The following BPNT1 variants were observed in gnomAD, a reference collection of about 807,000 sequenced individuals.
The protein encoded by BPNT1 is 3'(2'),5'-bisphosphate nucleotidase 1.
A neutral mutation model predicts 36.9 loss-of-function variants in BPNT1; 28 were observed. The observed-to-expected ratio is 0.76, with a 90% confidence interval of 0.56 to 1.04. BPNT1 has a LOEUF of 1.04. Among genes scored for constraint, BPNT1 ranks in the 50% least tolerant of loss-of-function variants. BPNT1 has a pLI of 0.00. For synonymous variants in BPNT1, 119 were observed against 130.9 expected, an observed-to-expected ratio of 0.91 and a Z score of 0.62; for missense variants, 313 against 372.9, an observed-to-expected ratio of 0.84 and a Z score of 1.32.
chr1:220,069,389 G>C lies in BPNT1; in HGVS notation c.377C>G (p.Thr126Ser), dbSNP rs1287624189. The C allele has an allele frequency of 6.2e-7, 1 of 1,601,024 alleles. No homozygotes were observed. The highest frequency in any genetic ancestry group is 1.7e-5 in the Admixed American group (1 of 57,796). Residue 126 changes from threonine to serine, a missense_variant, in exon 5 of 9, where the codon ACC becomes AGC. Transcript: ENST00000322067. The stretch of plus-strand genomic sequence containing the variant: ...AATACAAAAGAGATATCAACCTTCG[G>C]TATATTCCTTGGTTCCATCCAGAGG... ...VDPLDGTKEY[T>S]EGLLDNVTVL...
Position 220,079,818 on chromosome 1 carries a change from C to T in BPNT1, c.29G>A (p.Arg10Gln), listed in dbSNP as rs369548050. The change falls in exon 2 of 9, where the codon CGG becomes CAG. Residue 10 changes from arginine to glutamine, a missense_variant. Transcript: ENST00000322067. MASSNTVLM[R>Q]LVASAYSIAQ... is the part of the protein sequence containing the mutation. ...AATAGAATATGCGGAGGCTACCAAC[C>T]GCATCAACACAGTGTTACTGGAAGC... 35 of 1,613,566 alleles carry T rather than the reference C, an allele frequency of 2.2e-5. No homozygotes were observed. Among genetic ancestry groups the T allele is most frequent in the African/African-American group, 8.0e-5 (6 of 74,812 alleles).
chr1:220,087,857 T>C lies in BPNT1; in HGVS notation c.-9+1829A>G, dbSNP rs12138628. On this transcript the variant is annotated intron_variant, in intron 1 of 8. Transcript: ENST00000322067. ...AACTAAAACAATGAGAAATGATTAT[T>C]TTATTTTTAATTAATTAATTAATTT... Among the ~76,000 whole-genome samples, 346 of 152,124 alleles carry C rather than the reference T, an allele frequency of 2.3e-3. 1 individual carries two copies. The highest frequency in any genetic ancestry group is 4.1e-3 in the Non-Finnish European group (277 of 68,006).
Position 220,074,078 on chromosome 1 carries a change from T to C in BPNT1, c.121-7A>G. ...GCAGGTCTGTTGCACAGGTCTGTAA[T>C]AAAGAATGCAAATTTTAGCAGAGCT... is the stretch of plus-strand genomic sequence containing the variant. On this transcript the variant is annotated splice_polypyrimidine_tract_variant and splice_region_variant and intron_variant, in intron 2 of 8. Coordinates refer to ENST00000322067, the MANE Select transcript of BPNT1 (RefSeq NM_006085.6). The C allele has an allele frequency of 6.2e-7, 1 of 1,607,972 alleles. No homozygotes were observed. The highest frequency in any genetic ancestry group is 8.5e-7 in the Non-Finnish European group (1 of 1,178,092).
intron 7 of BPNT1, among the ~76,000 whole-genome samples, chr1:220,060,235 G>A (rs1662898026): frequency 6.6e-6 from 1 of 152,148 alleles, no homozygotes; most frequent in African/African-American, 2.4e-5. Context: ...CAGCACTTTG[G>A]GAGGCTGAGA....
At position 220,059,783 on chromosome 1, in the gene BPNT1, C is replaced by G; in HGVS notation, c.681G>C (p.Gln227His). The G allele has an allele frequency of 6.3e-7, 1 of 1,591,456 alleles. No homozygotes were observed. The highest frequency in any genetic ancestry group is 8.5e-7 in the Non-Finnish European group (1 of 1,170,124). The change falls in exon 8 of 9, where the codon CAG (glutamine) becomes CAC (histidine). Residue 227 changes from glutamine (Q) to histidine (H), a missense_variant. Transcript: ENST00000322067. ...RVGGAGNKIIQLIEGKASAYV... is the reference protein window; with the variant it reads ...RVGGAGNKIIHLIEGKASAYV... ...AAGCAGAGGCTTTGCCTTCAATCAG[C>G]TGAATAATCTGTAAGGGTAAAAATA...
rs1032254285 is a variant in BPNT1 at position 220,063,410 on chromosome 1, A to C, written c.475-456T>G. On this transcript the variant is annotated intron_variant, in intron 6 of 8. Transcript: ENST00000322067. ...TCACTGGCAAAGAACTTCTCCTGAG[A>C]GAATCTGCTGATTATTATCATTACT... Among the ~76,000 whole-genome samples, 6 of 152,352 alleles carry C rather than the reference A, an allele frequency of 3.9e-5. No homozygotes were observed. The South Asian group carries it at 1.2e-3, about 32-fold the overall frequency.
At chr1:220,078,639 C>T (rs1664823356) in intron 2 of BPNT1, among the ~76,000 whole-genome samples, 1 of 148,674 alleles carries the variant, frequency 6.7e-6, no homozygotes, top group African/African-American at 2.5e-5. Context: ...CTTTTGTTGC[C>T]CAGGCTGGAG....
intron 6 of BPNT1, 55 bp from the exon 7 acceptor site, chr1:220,063,009 C>G: frequency 6.5e-7 from 1 of 1,543,934 alleles, no homozygotes; most frequent in Non-Finnish European, 8.9e-7. Flanking sequence ...AGAACGTTAG[C>G]CCATAAATGG....
chr1:220,080,910 A>C (rs1419058525), intron 1 of BPNT1, among the ~76,000 whole-genome samples: 1 of 152,250 alleles, frequency 6.6e-6, no homozygotes, highest in Non-Finnish European at 1.5e-5. Context: ...GGAGTGTCAG[A>C]AGTCTCTAGC....
At chr1:220,060,536 G>A (rs1571722517) in intron 7 of BPNT1, among the ~76,000 whole-genome samples, 1 of 152,262 alleles carries the variant, frequency 6.6e-6, no homozygotes, top group East Asian at 1.9e-4. Flanking sequence ...AAAGGACAGA[G>A]AAGTATCAAG....
intron 1 of BPNT1, among the ~76,000 whole-genome samples, chr1:220,086,190 CG>C (rs1655702886): frequency 6.6e-6 from 1 of 152,050 alleles, no homozygotes; most frequent in Non-Finnish European, 1.5e-5. Context: ...GAAATAGAAC[CG>C]AACACACTAA....
At chr1:220,059,270 G>C (rs1025906635) in intron 8 of BPNT1, among the ~76,000 whole-genome samples, 24 of 71,914 alleles carry the variant, frequency 3.3e-4, no homozygotes, top group Non-Finnish European at 5.4e-4. Context: ...TTTTTTTTGA[G>C]ATGGAGTCTT....
intron 1 of BPNT1, among the ~76,000 whole-genome samples, chr1:220,087,700 T>C (rs1343321843): frequency 6.6e-6 from 1 of 151,890 alleles, no homozygotes; most frequent in East Asian, 1.9e-4. Flanking sequence ...TTGTAAAAGA[T>C]CAGTATATAA....
chr1:220,084,366 C>T (rs985191216), intron 1 of BPNT1, among the ~76,000 whole-genome samples: 1 of 151,664 alleles, frequency 6.6e-6, no homozygotes, highest in East Asian at 1.9e-4. Flanking sequence ...GAAAAGGAAA[C>T]AGAAATAATT....
At chr1:220,089,540 T>C (rs903283878) in intron 1 of BPNT1, 146 bp downstream of exon 1, 6 of 152,226 alleles carry the variant, frequency 3.9e-5, no homozygotes, top group African/African-American at 9.6e-5. Context: ...ACAATTAAAA[T>C]ATCGACACTC....
rs778194747 is a variant in BPNT1, at chr1:220,079,806, G to A, written c.41C>T (p.Ser14Phe). ...TGCCTTTTGAGCAATAGAATATGCG[G>A]AGGCTACCAACCGCATCAACACAGT... ...SNTVLMRLVA[S>F]AYSIAQKAGM... The change falls in exon 2 of 9, where the codon TCC becomes TTC. Residue 14 changes from serine (S) to phenylalanine (F), a missense_variant. Physicochemically the swap from Ser to Phe is radical, Grantham distance 155 (BLOSUM62 -2). Coordinates refer to ENST00000322067, the MANE Select transcript of BPNT1 (RefSeq NM_006085.6). 15 of 1,613,922 alleles carry A rather than the reference G, an allele frequency of 9.3e-6. No individual in the cohort carries two copies. In the South Asian group the frequency reaches 9.9e-5, roughly 11 times the overall value.
intron 5 of BPNT1, 85 bp downstream of exon 5, chr1:220,069,299 C>T (rs1571753080): frequency 2.7e-6 from 3 of 1,097,378 alleles, no homozygotes; most frequent in South Asian, 3.3e-5. Context: ...GCTTTCCATA[C>T]AACATACAAA....
chr1:220,085,126 T>C (rs1322299824), intron 1 of BPNT1, among the ~76,000 whole-genome samples: 1 of 151,984 alleles, frequency 6.6e-6, no homozygotes, highest in South Asian at 2.1e-4. Context: ...AAAAAATCTA[T>C]ACAAGAGGTC....
chr1:220,083,442 G>A (rs937881087), intron 1 of BPNT1, among the ~76,000 whole-genome samples: 1 of 151,514 alleles, frequency 6.6e-6, no homozygotes, highest in Non-Finnish European at 1.5e-5. Flanking sequence ...AGCCTCCCGA[G>A]TAGCTGGGAC....
Sources: gnomAD v4.1 joint callset for allele counts (sites outside exome capture counted in the v4.1 genomes callset) on GRCh38, gnomAD v4.1.1 for gene constraint, MANE v1.5 for transcripts, NCBI Gene and HGNC (gene_info 2026-07-23, HGNC 2026-07-21) for gene names.